RTL8A: variants seen among roughly 807,000 people sequenced by gnomAD.
RTL8A encodes the protein retrotransposon Gag-like protein 8A.
Under a neutral mutation model 4.4 loss-of-function variants are expected in RTL8A, and 4 were observed. The observed-to-expected ratio is 0.92, with a 90% confidence interval of 0.45 to 2.10. The LOEUF is 2.10. Among genes scored for constraint, RTL8A ranks in the 30% most tolerant of loss-of-function variants. The probability of loss-of-function intolerance (pLI) is 0.03; values close to 1 mark genes in which losing one functional copy is unlikely to be tolerated. For synonymous variants in RTL8A, 47 were observed against 45.3 expected (o/e 1.04, Z -0.15); for missense variants, 84 against 99.4 (o/e 0.85, Z 0.66).
Position 135,051,393 on chromosome X carries a change from C to T in RTL8A, c.*374G>A. 1 of 1,036,802 alleles carries T rather than the reference C, an allele frequency of 9.6e-7. No homozygotes were observed. The highest frequency in any genetic ancestry group is 1.3e-6 in the Non-Finnish European group (1 of 790,362). 85.4% of individuals were successfully genotyped at this position (1,036,802 alleles called of 1,213,427 possible). ...TCTGTGGGCAGAATGATGTAGTTGG[C>T]TGGCAGTCTGGAGGAGTGGAGGTGG... On this transcript the variant is annotated 3_prime_UTR_variant, in exon 1 of 1. Coordinates refer to ENST00000370775, the MANE Select transcript of RTL8A (RefSeq NM_001078172.2).
In RTL8A at chrX:135,050,955, T is replaced by C. The variant is rs2083333472; in HGVS notation, c.*812A>G. 2 of 191,064 alleles carry C rather than the reference T, an allele frequency of 1.0e-5. No individual in the cohort carries two copies. Among genetic ancestry groups the C allele is most frequent in the Non-Finnish European group, 2.0e-5 (2 of 99,070 alleles). The allele number at this position is 191,064 out of a possible 1,213,427, so 15.7% of individuals were successfully genotyped here. A position where few individuals can be genotyped will look rare whatever the true frequency, so the allele number is the denominator to read the frequency against. ...CATTTCTATTTAATAGTGTCTGACA[T>C]TTATTAAAAATAAGGAAAAAACCTT... On this transcript the variant is annotated 3_prime_UTR_variant, in exon 1 of 1. Transcript: ENST00000370775.
chrX:135,051,810 T>G lies in RTL8A; in HGVS notation c.299A>C (p.Glu100Ala). The G allele has an allele frequency of 8.3e-7, 1 of 1,204,370 alleles. No individual in the cohort carries two copies. The highest frequency in any genetic ancestry group is 1.1e-6 in the Non-Finnish European group (1 of 891,658). The change falls in exon 1 of 1, where the codon GAG (glutamate) becomes GCG (alanine). Residue 100 changes from glutamate (E) to alanine (A), a missense_variant. By Grantham distance (107) the Glu-to-Ala change is moderately radical. Transcript: ENST00000370775. The stretch of plus-strand genomic sequence containing the variant: ...CTCCCATCCAAAGACCCGCTTCATC[T>G]CGGCCAGGAAGCCCCGGTAATCATT... ...LLNDYRGFLA[E>A]MKRVFGWEED...
In RTL8A at chrX:135,051,107, A is replaced by G. The variant is rs2083334203; in HGVS notation, c.*660T>C. On this transcript the variant is annotated 3_prime_UTR_variant, in exon 1 of 1. Coordinates refer to ENST00000370775, the MANE Select transcript of RTL8A (RefSeq NM_001078172.2). ...TTCTAGGCAAAACTAACTGGTCCAC[A>G]GGAGAAAATGAGAGATTCGATTTGG... is the stretch of plus-strand genomic sequence containing the variant. 1 of 290,231 alleles carries G rather than the reference A, an allele frequency of 3.4e-6. No homozygotes were observed. The highest frequency in any genetic ancestry group is 2.8e-5 in the African/African-American group (1 of 35,926). 23.9% of individuals were successfully genotyped at this position (290,231 alleles called of 1,213,427 possible). A position where few individuals can be genotyped will look rare whatever the true frequency, so the allele number is the denominator to read the frequency against.
chrX:135,051,364 T>C lies in RTL8A; in HGVS notation c.*403A>G. 1 of 1,009,386 alleles carries C rather than the reference T, an allele frequency of 9.9e-7. No individual in the cohort carries two copies. The highest frequency in any genetic ancestry group is 1.3e-6 in the Non-Finnish European group (1 of 773,212). 83.2% of individuals were successfully genotyped at this position (1,009,386 alleles called of 1,213,427 possible). On this transcript the variant is annotated 3_prime_UTR_variant, in exon 1 of 1. Transcript: ENST00000370775. ...GTGGATGGCGATGGCAGTGGTAGCG[T>C]AGGTCTGTGGGCAGAATGATGTAGT... is the stretch of plus-strand genomic sequence containing the variant.
chrX:135,051,844 G>C lies in RTL8A; in HGVS notation c.265C>G (p.Pro89Ala), dbSNP rs749121395. The change falls in exon 1 of 1, where the codon CCC becomes GCC. Residue 89 changes from proline to alanine, a missense_variant. By Grantham distance (27) the Pro-to-Ala change is conservative. Coordinates refer to ENST00000370775, the MANE Select transcript of RTL8A (RefSeq NM_001078172.2). ...WVIPYIRKES[P>A]LLNDYRGFLA... ...AAGCCCCGGTAATCATTGAGCAGGG[G>C]GCTCTCCTTCCTGATGTAGGGGATC... 8.3e-7 allele frequency: 1 copy of C among 1,206,425 alleles called. No homozygotes were observed. Among genetic ancestry groups the C allele is most frequent in the South Asian group, 1.8e-5 (1 of 56,037 alleles).
chrX:135,051,492 G>A lies in RTL8A; in HGVS notation c.*275C>T. 1.8e-6 allele frequency: 2 copies of A among 1,124,191 alleles called. No individual in the cohort carries two copies. Among genetic ancestry groups the A allele is most frequent in the South Asian group, 2.0e-5 (1 of 50,111 alleles). 92.6% of individuals were successfully genotyped at this position (1,124,191 alleles called of 1,213,427 possible). A position where few individuals can be genotyped will look rare whatever the true frequency, so the allele number is the denominator to read the frequency against. On this transcript the variant is annotated 3_prime_UTR_variant, in exon 1 of 1. Transcript: ENST00000370775. Reference sequence around the variant, plus strand: ...CAGCTTGCACCTGAAGTGCAGGACAGCGTCCAAATGTGCATGGAGGGGCTG... The same window carrying A: ...CAGCTTGCACCTGAAGTGCAGGACAACGTCCAAATGTGCATGGAGGGGCTG...
rs746603245 is a variant in RTL8A at position 135,052,094 on chromosome X, C to T, written c.15G>A (p.Val5=). Residue 5 remains valine (V), a synonymous_variant, in exon 1 of 1, where the codon GTG becomes GTA. Transcript: ENST00000370775. ...CGGCCAGGAGGGCCTTCATCAGCTGCACCCGACCGTCCATCGTGCCGCGCG... is the reference window on the plus strand; with the variant it reads ...CGGCCAGGAGGGCCTTCATCAGCTGTACCCGACCGTCCATCGTGCCGCGCG... The part of the protein sequence containing the change: MDGR[V]QLMKALLAGP... 1.2e-5 allele frequency: 14 copies of T among 1,201,157 alleles called. No individual in the cohort carries two copies. Among genetic ancestry groups the T allele is most frequent in the Admixed American group, 6.7e-5 (3 of 44,918 alleles).
At position 135,051,502 on chromosome X, in the gene RTL8A, G is replaced by A; in HGVS notation, c.*265C>T. The A allele has an allele frequency of 8.9e-7, 1 of 1,126,991 alleles. No homozygotes were observed. The highest frequency in any genetic ancestry group is 1.2e-6 in the Non-Finnish European group (1 of 847,213). 92.9% of individuals were successfully genotyped at this position (1,126,991 alleles called of 1,213,427 possible). On this transcript the variant is annotated 3_prime_UTR_variant, in exon 1 of 1. Coordinates refer to ENST00000370775, the MANE Select transcript of RTL8A (RefSeq NM_001078172.2). ...CTGAAGTGCAGGACAGCGTCCAAAT[G>A]TGCATGGAGGGGCTGGGCTGGCAAA...
chrX:135,051,908 G>C lies in RTL8A; in HGVS notation c.201C>G (p.Phe67Leu). Reference sequence around the variant, plus strand: ...CTGGCCCCGTGAGGCGGGTGATGAGGAACGTCACCTTCAGGGCGTCGTTGG... The same window carrying C: ...CTGGCCCCGTGAGGCGGGTGATGAGCAACGTCACCTTCAGGGCGTCGTTGG... ...TFSNDALKVT[F>L]LITRLTGPAL... Residue 67 changes from phenylalanine to leucine, a missense_variant, in exon 1 of 1, where the codon TTC becomes TTG. Phe to Leu is a conservative substitution (Grantham distance 22, BLOSUM62 0). Transcript: ENST00000370775. 1 of 1,211,955 alleles carries C rather than the reference G, an allele frequency of 8.3e-7. No individual in the cohort carries two copies. The highest frequency in any genetic ancestry group is 1.8e-5 in the South Asian group (1 of 56,980).
In RTL8A at chrX:135,051,970, T is replaced by C; in HGVS notation, c.139A>G (p.Thr47Ala). 1.7e-6 allele frequency: 2 copies of C among 1,212,020 alleles called. No individual in the cohort carries two copies. Among genetic ancestry groups the C allele is most frequent in the Non-Finnish European group, 2.2e-6 (2 of 895,576 alleles). ...TCGTCCACGAACATGTAGGAGCTCG[T>C]CTGCACGATGAACTCCGGGAGTCGG... ...TDRLPEFIVQ[T>A]SSYMFVDENT... Residue 47 changes from threonine to alanine, a missense_variant, in exon 1 of 1, where the codon ACG (threonine) becomes GCG (alanine). Transcript: ENST00000370775.
In RTL8A at chrX:135,051,363, G is replaced by A. The variant is rs61746300; in HGVS notation, c.*404C>T. On this transcript the variant is annotated 3_prime_UTR_variant, in exon 1 of 1. Coordinates refer to ENST00000370775, the MANE Select transcript of RTL8A (RefSeq NM_001078172.2). ...GGTGGATGGCGATGGCAGTGGTAGCGTAGGTCTGTGGGCAGAATGATGTAG... is the reference window on the plus strand; with the variant it reads ...GGTGGATGGCGATGGCAGTGGTAGCATAGGTCTGTGGGCAGAATGATGTAG... 15 of 1,007,757 alleles carry A rather than the reference G, an allele frequency of 1.5e-5. No individual in the cohort carries two copies. The highest frequency in any genetic ancestry group is 1.5e-4 in the Admixed American group (5 of 33,646). 83.1% of individuals were successfully genotyped at this position (1,007,757 alleles called of 1,213,427 possible).
chrX:135,051,236 G>T lies in RTL8A; in HGVS notation c.*531C>A. ...CGCTGAAGGTGACAGGCTCCTTGGG[G>T]GACGGCCAGCTGTCTGGATCACTGT... is the stretch of plus-strand genomic sequence containing the variant. On this transcript the variant is annotated 3_prime_UTR_variant, in exon 1 of 1. Transcript: ENST00000370775. The T allele has an allele frequency of 1.1e-6, 1 of 906,498 alleles. No individual in the cohort carries two copies. The highest frequency in any genetic ancestry group is 1.5e-6 in the Non-Finnish European group (1 of 685,264). 74.7% of individuals were successfully genotyped at this position (906,498 alleles called of 1,213,427 possible).
Position 135,051,515 on chromosome X carries a change from C to A in RTL8A, c.*252G>T. On this transcript the variant is annotated 3_prime_UTR_variant, in exon 1 of 1. Transcript: ENST00000370775. ...CAGCGTCCAAATGTGCATGGAGGGG[C>A]TGGGCTGGCAAAAGAGGGCGGAGGC... 8.9e-7 allele frequency: 1 copy of A among 1,127,013 alleles called. No individual in the cohort carries two copies. The highest frequency in any genetic ancestry group is 1.2e-6 in the Non-Finnish European group (1 of 848,503). 92.9% of individuals were successfully genotyped at this position (1,127,013 alleles called of 1,213,427 possible). A position where few individuals can be genotyped will look rare whatever the true frequency, so the allele number is the denominator to read the frequency against.
Position 135,052,020 on chromosome X carries a change from G to A in RTL8A, c.89C>T (p.Pro30Leu). The part of the protein sequence containing the change: ...ARRWRNPIPF[P>L]ETFDGDTDRL... ...GTCGGTATCTCCGTCAAACGTCTCGGGAAAGGGAATCGGGTTCCTCCAGCG... is the reference window on the plus strand; with the variant it reads ...GTCGGTATCTCCGTCAAACGTCTCGAGAAAGGGAATCGGGTTCCTCCAGCG... The change falls in exon 1 of 1, where the codon CCC becomes CTC. Residue 30 changes from proline (P) to leucine (L), a missense_variant. By Grantham distance (98) the Pro-to-Leu change is moderately conservative. Transcript: ENST00000370775. 1.6e-6 allele frequency: 2 copies of A among 1,212,623 alleles called. No homozygotes were observed. The highest frequency in any genetic ancestry group is 5.9e-5 in the East Asian group (2 of 33,840).
At position 135,052,079 on chromosome X, in the gene RTL8A, G is replaced by A; in HGVS notation, c.30C>T (p.Ala10=). 1 of 1,208,617 alleles carries A rather than the reference G, an allele frequency of 8.3e-7. No homozygotes were observed. Among genetic ancestry groups the A allele is most frequent in the Non-Finnish European group, 1.1e-6 (1 of 893,797 alleles). The part of the protein sequence containing the change: MDGRVQLMK[A]LLAGPLRPAA... ...CGGGCCGGAGGGGCCCGGCCAGGAGGGCCTTCATCAGCTGCACCCGACCGT... is the reference window on the plus strand; with the variant it reads ...CGGGCCGGAGGGGCCCGGCCAGGAGAGCCTTCATCAGCTGCACCCGACCGT... The change falls in exon 1 of 1, where the codon GCC becomes GCT. Residue 10 remains alanine, a synonymous_variant. Coordinates refer to ENST00000370775, the MANE Select transcript of RTL8A (RefSeq NM_001078172.2).
rs943223245 is a variant in RTL8A at position 135,051,321 on chromosome X, G to T, written c.*446C>A. ...TGAGTCCACATCACTAGGAGCCACAGTCTGTTGGTGAGATGCGGTGGATGG... is the reference window on the plus strand; with the variant it reads ...TGAGTCCACATCACTAGGAGCCACATTCTGTTGGTGAGATGCGGTGGATGG... On this transcript the variant is annotated 3_prime_UTR_variant, in exon 1 of 1. Transcript: ENST00000370775. 10 of 989,998 alleles carry T rather than the reference G, an allele frequency of 1.0e-5. No homozygotes were observed. In the East Asian group the frequency reaches 7.3e-4, roughly 73 times the overall value. 81.6% of individuals were successfully genotyped at this position (989,998 alleles called of 1,213,427 possible).
In RTL8A at chrX:135,051,619, G is replaced by C. The variant is rs2083338301; in HGVS notation, c.*148C>G. ...CCTGGAACAAAGGCAAGCACTACGC[G>C]GGAGGGGACAGGAGCGCAGGGGACA... On this transcript the variant is annotated 3_prime_UTR_variant, in exon 1 of 1. Transcript: ENST00000370775. The C allele has an allele frequency of 3.2e-5, 36 of 1,109,987 alleles. No individual in the cohort carries two copies. Among genetic ancestry groups the C allele is most frequent in the Admixed American group, 1.3e-4 (4 of 30,390 alleles). The allele number at this position is 1,109,987 out of a possible 1,213,427, so 91.5% of individuals were successfully genotyped here.
rs745857395 is a variant in RTL8A, at chrX:135,051,263, C to T, written c.*504G>A. The T allele has an allele frequency of 8.3e-6, 8 of 967,951 alleles. No homozygotes were observed. Among genetic ancestry groups the T allele is most frequent in the Non-Finnish European group, 1.1e-5 (8 of 741,179 alleles). 79.8% of individuals were successfully genotyped at this position (967,951 alleles called of 1,213,427 possible). A position where few individuals can be genotyped will look rare whatever the true frequency, so the allele number is the denominator to read the frequency against. On this transcript the variant is annotated 3_prime_UTR_variant, in exon 1 of 1. Transcript: ENST00000370775. ...ACGGCCAGCTGTCTGGATCACTGTC[C>T]AGGGGCTGTGTCCAGCTCGGATACC...
At position 135,050,940 on chromosome X, in the gene RTL8A, T is replaced by C. The variant is rs1231571747; in HGVS notation, c.*827A>G. The C allele has an allele frequency of 5.6e-6, 1 of 180,003 alleles. No individual in the cohort carries two copies. The highest frequency in any genetic ancestry group is 3.0e-5 in the African/African-American group (1 of 33,617). 14.8% of individuals were successfully genotyped at this position (180,003 alleles called of 1,213,427 possible). ...TATTCATTGAGACTCCATTTCTATT[T>C]AATAGTGTCTGACATTTATTAAAAA... On this transcript the variant is annotated 3_prime_UTR_variant, in exon 1 of 1. Coordinates refer to ENST00000370775, the MANE Select transcript of RTL8A (RefSeq NM_001078172.2).
Sources: gnomAD v4.1 joint callset for allele counts on GRCh38, gnomAD v4.1.1 for gene constraint, MANE v1.5 for transcripts, NCBI Gene and HGNC (gene_info 2026-07-23, HGNC 2026-07-21) for gene names.